The following RYR3 variants were observed in gnomAD, a reference collection of about 807,000 sequenced individuals.
The protein encoded by RYR3 is brain ryanodine receptor-calcium release channel.
RYR3 carries 207 observed loss-of-function variants against 584.3 expected under a neutral mutation model. The ratio of observed to expected loss-of-function variants is 0.35; its 90% CI spans 0.32 to 0.40. The LOEUF (loss-of-function observed/expected upper bound fraction) is 0.40, where lower values mean the gene tolerates loss of function less well. RYR3 is among the 10% of genes least tolerant of loss of function. The pLI is 1.00. For synonymous variants in RYR3, 2,416 were observed against 2,248.5 expected, an observed-to-expected ratio of 1.07 and a Z score of -2.11; for missense variants, 5,616 against 6,089.2, an observed-to-expected ratio of 0.92 and a Z score of 2.59.
chr15:33,378,729 C>G (rs1595900762), intron 1 of RYR3, among the ~76,000 whole-genome samples: 1 of 152,146 alleles, frequency 6.6e-6, no homozygotes, highest in Non-Finnish European at 1.5e-5. Flanking sequence ...TTTGGGAGGT[C>G]AAGGCAGGAG....
intron 7 of RYR3, among the ~76,000 whole-genome samples, chr15:33,541,568 A>G (rs2055819705): frequency 1.3e-5 from 2 of 152,188 alleles, no homozygotes; most frequent in African/African-American, 4.8e-5. Context: ...CCTATGGGCT[A>G]TTGTGTTACA....
At chr15:33,504,068 T>A (rs749863613) in intron 3 of RYR3, among the ~76,000 whole-genome samples, 2 of 152,224 alleles carry the variant, frequency 1.3e-5, no homozygotes, top group African/African-American at 2.4e-5. Flanking sequence ...TGAGCATGCC[T>A]GTGAGGCAGT....
intron 3 of RYR3, among the ~76,000 whole-genome samples, chr15:33,519,590 T>C (rs1388386672): frequency 2.0e-5 from 3 of 151,954 alleles, no homozygotes; most frequent in Non-Finnish European, 4.4e-5. Flanking sequence ...GCCCACCAAA[T>C]TGGAATCTTA....
At chr15:33,764,902 G>A (rs755308064) in intron 60 of RYR3, among the ~76,000 whole-genome samples, 2 of 151,758 alleles carry the variant, frequency 1.3e-5, no homozygotes, top group Non-Finnish European at 2.9e-5. Context: ...GTGAAGCCAC[G>A]TGCCTGTAAT....
intron 2 of RYR3, among the ~76,000 whole-genome samples, chr15:33,499,687 A>G (rs1486753075): frequency 1.3e-5 from 2 of 152,238 alleles, no homozygotes; most frequent in Admixed American, 6.5e-5. Context: ...GTACTATTAT[A>G]TCTCCATTAT....
chr15:33,663,431 G>C, intron 35 of RYR3, 106 bp from the exon 36 acceptor site: 1 of 927,632 alleles, frequency 1.1e-6, no homozygotes, highest in Non-Finnish European at 1.6e-6. Flanking sequence ...GCTACTGTGT[G>C]GCAATTTACT....
intron 10 of RYR3, among the ~76,000 whole-genome samples, chr15:33,554,456 G>C (rs7165619): frequency 0.86 from 131,474 of 152,012 alleles, 57,445 homozygotes; most frequent in Middle Eastern, 0.98. Flanking sequence ...CCACCACACC[G>C]GGCTAATTTT....
At chr15:33,532,864 C>A (rs2055001805) in intron 4 of RYR3, among the ~76,000 whole-genome samples, 1 of 152,082 alleles carries the variant, frequency 6.6e-6, no homozygotes, top group South Asian at 2.1e-4. Flanking sequence ...CATGTGTAAT[C>A]CCAACACTTT....
At chr15:33,809,465 A>C (rs931401610) in intron 70 of RYR3, among the ~76,000 whole-genome samples, 13 of 152,070 alleles carry the variant, frequency 8.5e-5, no homozygotes, top group African/African-American at 2.9e-4. Flanking sequence ...GGAACCTGGA[A>C]TCATGAAATC....
intron 18 of RYR3, among the ~76,000 whole-genome samples, chr15:33,607,173 G>A (rs898219127): frequency 4.6e-5 from 7 of 152,168 alleles, no homozygotes; most frequent in Admixed American, 2.0e-4. Flanking sequence ...TTGTGCTTGT[G>A]TTATAATGCC....
chr15:33,566,515 A>G (rs1472234045), intron 11 of RYR3, among the ~76,000 whole-genome samples, 163 bp from the exon 12 acceptor site: 1 of 152,244 alleles, frequency 6.6e-6, no homozygotes. Context: ...AATAGGGCGT[A>G]TGGGTGCAAT....
chr15:33,541,523 T>A lies in RYR3; in HGVS notation c.646+633T>A, dbSNP rs531405282. ...CTGGCCTTACCTCACTCATAGGTAA[T>A]ACCACAGCTGAGAAGAATAATCAAA... On this transcript the variant is annotated intron_variant, in intron 7 of 103. Coordinates refer to ENST00000634891, the MANE Select transcript of RYR3 (RefSeq NM_001036.6). Among the ~76,000 whole-genome samples, 3 of 152,312 alleles carry A rather than the reference T, an allele frequency of 2.0e-5. No homozygotes were observed. The East Asian group carries it at 5.8e-4, about 29-fold the overall frequency.
chr15:33,418,976 A>G (rs1443666201), intron 1 of RYR3, among the ~76,000 whole-genome samples: 4 of 152,158 alleles, frequency 2.6e-5, no homozygotes, highest in Admixed American at 6.5e-5. Flanking sequence ...AGGCAAACAC[A>G]GAAAGGTGAG....
intron 3 of RYR3, among the ~76,000 whole-genome samples, chr15:33,521,861 CTGCT>C (rs1313518508): frequency 6.6e-6 from 1 of 152,112 alleles, no homozygotes; most frequent in Non-Finnish European, 1.5e-5. Flanking sequence ...AGTAAGGCAA[CTGCT>C]AGCTGACCAA....
At chr15:33,408,506 T>C (rs2043174284) in intron 1 of RYR3, among the ~76,000 whole-genome samples, 1 of 152,214 alleles carries the variant, frequency 6.6e-6, no homozygotes, top group East Asian at 1.9e-4. Flanking sequence ...TTCTTTTGGA[T>C]ATATACCCAG....
intron 47 of RYR3, 109 bp from the exon 48 acceptor site, chr15:33,731,365 C>T (rs752208716): frequency 2.1e-4 from 150 of 713,720 alleles, no homozygotes; most frequent in Middle Eastern, 1.1e-3. Context: ...TGCTATGCAA[C>T]GTGGACATAT....
In RYR3 at chr15:33,835,080, G is replaced by A. The variant is rs755231537; in HGVS notation, c.11568+8G>A. On this transcript the variant is annotated splice_region_variant and intron_variant, in intron 87 of 103. Transcript: ENST00000634891. ...CAGATGAAACTCTCTCAGGTACTGTGGCCCATTCCCTGCACGTGTCATTGT... is the reference window on the plus strand; with the variant it reads ...CAGATGAAACTCTCTCAGGTACTGTAGCCCATTCCCTGCACGTGTCATTGT... 5.0e-6 allele frequency: 8 copies of A among 1,599,040 alleles called. No homozygotes were observed. Among genetic ancestry groups the A allele is most frequent in the Non-Finnish European group, 6.9e-6 (8 of 1,167,292 alleles).
chr15:33,715,095 C>CAAAGTCCT (rs2067398330), intron 43 of RYR3, among the ~76,000 whole-genome samples: 1 of 152,168 alleles, frequency 6.6e-6, no homozygotes, highest in South Asian at 2.1e-4. Context: ...AAAGGGAGAG[C>CAAAGTCCT]ATATGGATAG....
Position 33,728,948 on chromosome 15 carries a change from T to G in RYR3, c.7125T>G (p.Ile2375Met). 6.2e-7 allele frequency: 1 copy of G among 1,613,966 alleles called. No individual in the cohort carries two copies. The highest frequency in any genetic ancestry group is 8.5e-7 in the Non-Finnish European group (1 of 1,179,884). The change falls in exon 47 of 104, where the codon ATT (isoleucine) becomes ATG (methionine). Residue 2375 changes from isoleucine (I) to methionine (M), a missense_variant. This residue lies in a region of RYR3 where 1,280 missense variants were observed against 1,426.2 expected (regional missense o/e 0.90). Coordinates refer to ENST00000634891, the MANE Select transcript of RYR3 (RefSeq NM_001036.6). ...MVLFLDRVYG[I>M]KDQTFLLHLL... is the part of the protein sequence containing the mutation. ...TGTTCTTGGACCGCGTTTATGGCAT[T>G]AAGGATCAAACTTTTCTGCTCCACT...
Sources: allele counts gnomAD v4.1 joint callset (sites outside exome capture counted in the v4.1 genomes callset), GRCh38; gene constraint gnomAD v4.1.1; regional missense constraint gnomAD v4.1.1; transcripts MANE v1.5; gene names NCBI Gene and HGNC (gene_info 2026-07-23, HGNC 2026-07-21).